The following MIA2 variants were observed in gnomAD, a reference collection of about 807,000 sequenced individuals.
MIA2 encodes the protein melanoma inhibitory activity protein 2.
A neutral mutation model predicts 167.8 loss-of-function variants in MIA2; 127 were observed. The observed-to-expected ratio is 0.76, with a 90% CI of 0.66 to 0.88. MIA2 has a LOEUF of 0.88. Ranked by LOEUF, MIA2 falls within the 40% of genes least tolerant of loss-of-function variation. MIA2 has a pLI of 0.00. For synonymous variants in MIA2, 552 were observed against 541.9 expected (o/e 1.02, Z -0.26); for missense variants, 1,690 against 1,624.7 (o/e 1.04, Z -0.69).
chr14:39,251,100 C>A (rs952970646), intron 4 of MIA2, among the ~76,000 whole-genome samples: 1 of 152,144 alleles, frequency 6.6e-6, no homozygotes, highest in Non-Finnish European at 1.5e-5. Context: ...CAGGGAATAA[C>A]AAATGAAAAC....
chr14:39,360,015 T>A (rs192331862), intron 23 of MIA2, among the ~76,000 whole-genome samples: 1 of 149,810 alleles, frequency 6.7e-6, no homozygotes, highest in Non-Finnish European at 1.5e-5. Context: ...TTTTTTTGTC[T>A]TATTAATAGC....
At chr14:39,268,889 A>G in intron 6 of MIA2, 7 of 505,150 alleles carry the variant, frequency 1.4e-5, no homozygotes, top group Non-Finnish European at 1.8e-5. Context: ...GTGGTAACTT[A>G]TTCATGGAGG....
chr14:39,236,756 G>A (rs8017650), intron 1 of MIA2, among the ~76,000 whole-genome samples, 166 bp from the exon 2 acceptor site: 44,575 of 152,012 alleles, frequency 0.29, 7,979 homozygotes, highest in African/African-American at 0.51. Flanking sequence ...GCTTAGACTC[G>A]ATTCTGCATG....
chr14:39,280,190 A>G (rs1435592821), intron 9 of MIA2, among the ~76,000 whole-genome samples: 1 of 151,926 alleles, frequency 6.6e-6, no homozygotes, highest in Middle Eastern at 3.2e-3. Flanking sequence ...TTTCTGTTAA[A>G]TCTTCTATTT....
At chr14:39,351,862 C>T (rs958302495), downstream of MIA2, among the ~76,000 whole-genome samples, 7 of 152,194 alleles carry the variant, frequency 4.6e-5, no homozygotes, top group Non-Finnish European at 8.8e-5. Context: ...CTGCCTCGTT[C>T]TGCCAGAGTG....
In MIA2 at chr14:39,269,074, G is replaced by GTTTTTTTTTTTTTTTTTTTT. The variant is rs3065036; in HGVS notation, c.1888-7854_1888-7835dup. ...GGTGCGTTGTATCTTCACCTGCACA[G>GTTTTTTTTTTTTTTTTTTTT]TTTTTTTTTTTTTTTTTTTTTTTTT... On this transcript the variant is annotated intron_variant, in intron 6 of 28. Transcript: ENST00000640607. The GTTTTTTTTTTTTTTTTTTTT allele has an allele frequency of 2.7e-5, 16 of 583,230 alleles. 1 individual carries two copies. The highest frequency in any genetic ancestry group is 1.5e-4 in the Admixed American group (1 of 6,576). 36.1% of individuals were successfully genotyped at this position (583,230 alleles called of 1,614,324 possible).
chr14:39,351,775 T>G (rs1257191039), downstream of MIA2, among the ~76,000 whole-genome samples: 1 of 152,094 alleles, frequency 6.6e-6, no homozygotes, highest in African/African-American at 2.4e-5. Flanking sequence ...CTGGCGAATT[T>G]TTTTTGTATT....
At chr14:39,386,865 C>T (rs1397414489) in intron 23 of MIA2, 5 of 854,850 alleles carry the variant, frequency 5.8e-6, no homozygotes, top group Non-Finnish European at 1.0e-5. Context: ...AACTCTGAGG[C>T]GGTCGTTCTC....
intron 13 of MIA2, among the ~76,000 whole-genome samples, chr14:39,298,543 T>TTTTTTTTGG (rs1566804615): frequency 2.8e-5 from 3 of 107,204 alleles, no homozygotes; most frequent in East Asian, 2.9e-4. Context: ...TTTTTTTTTT[T>TTTTTTTTGG]TTTTTTTTTT....
Position 39,266,102 on chromosome 14 carries a change from A to G in MIA2, c.1888-10832A>G, listed in dbSNP as rs1321568439. On this transcript the variant is annotated intron_variant, in intron 6 of 28. Transcript: ENST00000640607. ...GTTCGTTGCTACAAGAGGTTACATC[A>G]GGAAAATTTCCTAAGGATTTAAGAT... is the stretch of plus-strand genomic sequence containing the variant. 3.0e-6 allele frequency: 3 copies of G among 985,362 alleles called. No homozygotes were observed. The African/African-American group carries it at 5.2e-5, about 17-fold the overall frequency. 61.0% of individuals were successfully genotyped at this position (985,362 alleles called of 1,614,324 possible).
At chr14:39,377,506 C>G (rs1202585286) in intron 23 of MIA2, among the ~76,000 whole-genome samples, 2 of 151,868 alleles carry the variant, frequency 1.3e-5, no homozygotes, top group East Asian at 3.9e-4. Context: ...AGAGTCATAG[C>G]CAGCAAAAAT....
chr14:39,342,717 CATAAAA>C (rs1020650532), intron 25 of MIA2, among the ~76,000 whole-genome samples: 1 of 152,244 alleles, frequency 6.6e-6, no homozygotes, highest in Admixed American at 6.5e-5. Flanking sequence ...GTAAATAAGA[CATAAAA>C]AGAAAAAGCA....
At chr14:39,301,906 A>G (rs1323212805) in intron 14 of MIA2, among the ~76,000 whole-genome samples, 1 of 152,186 alleles carries the variant, frequency 6.6e-6, no homozygotes, top group Admixed American at 6.5e-5. Context: ...ACTATATTTG[A>G]TTTGGGAATA....
intron 6 of MIA2, chr14:39,265,193 G>A (rs753261679): frequency 7.4e-6 from 4 of 538,400 alleles, no homozygotes; most frequent in Non-Finnish European, 9.7e-6. Context: ...CAACGAGTGA[G>A]GTCCATGAAA....
intron 6 of MIA2, among the ~76,000 whole-genome samples, chr14:39,267,931 C>T (rs1424304683): frequency 6.6e-6 from 1 of 151,210 alleles, no homozygotes; most frequent in Non-Finnish European, 1.5e-5. Flanking sequence ...CTCGTTGAAC[C>T]TTGAAAGAAC....
chr14:39,333,828 G>A (rs935157701), intron 25 of MIA2, among the ~76,000 whole-genome samples: 13 of 152,120 alleles, frequency 8.5e-5, no homozygotes, highest in African/African-American at 2.4e-4. Context: ...CCTGGTCTCC[G>A]TACTTTTCAA....
At chr14:39,261,186 G>GTGTCCA (rs1185810738) in intron 6 of MIA2, among the ~76,000 whole-genome samples, 2 of 151,788 alleles carry the variant, frequency 1.3e-5, no homozygotes, top group African/African-American at 4.9e-5. Flanking sequence ...TCCCCTTCCT[G>GTGTCCA]TGTCCATGTG....
chr14:39,355,166 A>T (rs966137363), downstream of MIA2, among the ~76,000 whole-genome samples: 7 of 150,622 alleles, frequency 4.6e-5, no homozygotes, highest in African/African-American at 1.7e-4. Flanking sequence ...CATTTTCACG[A>T]TATTGATTCT....
chr14:39,332,554 G>T (rs1268540574), intron 25 of MIA2, among the ~76,000 whole-genome samples: 2 of 152,114 alleles, frequency 1.3e-5, no homozygotes, highest in South Asian at 2.1e-4. Context: ...TTTTTGCCTG[G>T]TTTTTCCTCA....
Sources: allele counts gnomAD v4.1 joint callset (sites outside exome capture counted in the v4.1 genomes callset), GRCh38; gene constraint gnomAD v4.1.1; transcripts MANE v1.5; gene names NCBI Gene and HGNC (gene_info 2026-07-23, HGNC 2026-07-21).